Variants in C1orf122 observed in about 807,000 individuals in gnomAD.
C1orf122 encodes the protein uncharacterized protein C1orf122.
C1orf122 carries 12 observed loss-of-function variants against 12.9 expected under a neutral mutation model. The observed-to-expected ratio is 0.93, with a 90% CI of 0.60 to 1.51. C1orf122 has a LOEUF of 1.51. C1orf122 is among the 40% of genes most tolerant of loss of function. The probability of loss-of-function intolerance (pLI) is 0.00; values close to 1 mark genes in which losing one functional copy is unlikely to be tolerated. For missense variants in C1orf122, 144 were observed against 162.1 expected (o/e 0.89, Z 0.61); for synonymous variants, 57 against 73.4 (o/e 0.78, Z 1.14).
In C1orf122 at chr1:37,807,948, C is replaced by CGCAGCTCGGCCACG; in HGVS notation, c.-454_-441dup. 8.1e-7 allele frequency: 1 copy of CGCAGCTCGGCCACG among 1,230,990 alleles called. No homozygotes were observed. The highest frequency in any genetic ancestry group is 1.0e-6 in the Non-Finnish European group (1 of 986,874). 76.3% of individuals were successfully genotyped at this position (1,230,990 alleles called of 1,614,324 possible). ...GGGGACGGCCACCACGGCGCCGGCG[C>CGCAGCTCGGCCACG]GCAGCTCGGCCACGGCGGCCCGCAG... On this transcript the variant is annotated 5_prime_UTR_variant, in exon 1 of 3. Coordinates refer to ENST00000373042, the MANE Select transcript of C1orf122 (RefSeq NM_198446.3).
rs2148392715 is a variant in C1orf122 at position 37,808,249 on chromosome 1, G to A, written c.-156G>A. ...CTTCCGGTCCAGGAGACTCGGCCCC[G>A]CCTCTGCGCCGGGCAGCTTAAAGGG... On this transcript the variant is annotated 5_prime_UTR_variant, in exon 1 of 3. Transcript: ENST00000373042. 7.4e-7 allele frequency: 1 copy of A among 1,347,194 alleles called. No individual in the cohort carries two copies. Among genetic ancestry groups the A allele is most frequent in the East Asian group, 3.1e-5 (1 of 32,264 alleles). 83.5% of individuals were successfully genotyped at this position (1,347,194 alleles called of 1,614,324 possible). A position where few individuals can be genotyped will look rare whatever the true frequency, so the allele number is the denominator to read the frequency against.
At position 37,808,172 on chromosome 1, in the gene C1orf122, C is replaced by T. The variant is rs370868306; in HGVS notation, c.-233C>T. 1.4e-6 allele frequency: 2 copies of T among 1,454,568 alleles called. No individual in the cohort carries two copies. Among genetic ancestry groups the T allele is most frequent in the Non-Finnish European group, 1.8e-6 (2 of 1,107,556 alleles). The allele number at this position is 1,454,568 out of a possible 1,614,324, so 90.1% of individuals were successfully genotyped here. ...CCCTCATCCCCCTGCACCGACGCGCCGGAGACATCCGCCCAGGCCCGCTTC... is the reference window on the plus strand; with the variant it reads ...CCCTCATCCCCCTGCACCGACGCGCTGGAGACATCCGCCCAGGCCCGCTTC... On this transcript the variant is annotated 5_prime_UTR_variant, in exon 1 of 3. Transcript: ENST00000373042.
chr1:37,809,048 C>T lies in C1orf122; in HGVS notation c.308C>T (p.Ala103Val). 6.2e-7 allele frequency: 1 copy of T among 1,613,984 alleles called. No homozygotes were observed. Among genetic ancestry groups the T allele is most frequent in the African/African-American group, 1.3e-5 (1 of 75,076 alleles). Residue 103 changes from alanine (A) to valine (V), a missense_variant, in exon 3 of 3, where the codon GCT becomes GTT. Transcript: ENST00000373042. Reference protein sequence around the residue: ...VSARGGFPKDAGDGAAEP With the variant: ...VSARGGFPKDVGDGAAEP ...GCCAGAGGCGGCTTTCCAAAGGATGCTGGCGATGGAGCTGCGGAGCCCTGA... is the reference window on the plus strand; with the variant it reads ...GCCAGAGGCGGCTTTCCAAAGGATGTTGGCGATGGAGCTGCGGAGCCCTGA...
At position 37,808,240 on chromosome 1, in the gene C1orf122, C is replaced by T. The variant is rs1017011904; in HGVS notation, c.-165C>T. The T allele has an allele frequency of 7.3e-6, 10 of 1,365,878 alleles. No individual in the cohort carries two copies. Among genetic ancestry groups the T allele is most frequent in the African/African-American group, 1.5e-5 (1 of 65,864 alleles). 84.6% of individuals were successfully genotyped at this position (1,365,878 alleles called of 1,614,324 possible). A position where few individuals can be genotyped will look rare whatever the true frequency, so the allele number is the denominator to read the frequency against. On this transcript the variant is annotated 5_prime_UTR_variant, in exon 1 of 3. Transcript: ENST00000373042. ...CCCAGCCAGCTTCCGGTCCAGGAGA[C>T]TCGGCCCCGCCTCTGCGCCGGGCAG...
chr1:37,807,848 AC>A lies in C1orf122; in HGVS notation c.-554del. On this transcript the variant is annotated 5_prime_UTR_variant, in exon 1 of 3. Coordinates refer to ENST00000373042, the MANE Select transcript of C1orf122 (RefSeq NM_198446.3). ...CGGCCAGAGGCTTGGCCTCGCTGCG[AC>A]CCTTGAGGCGGTACACAGCGCGCAG... 2 of 1,504,474 alleles carry A rather than the reference AC, an allele frequency of 1.3e-6. No homozygotes were observed. Among genetic ancestry groups the A allele is most frequent in the Non-Finnish European group, 8.8e-7 (1 of 1,130,906 alleles). The allele number at this position is 1,504,474 out of a possible 1,614,324, so 93.2% of individuals were successfully genotyped here.
chr1:37,807,969 C>T lies in C1orf122; in HGVS notation c.-436C>T, dbSNP rs1230829614. 8.2e-7 allele frequency: 1 copy of T among 1,214,042 alleles called. No homozygotes were observed. The highest frequency in any genetic ancestry group is 1.0e-6 in the Non-Finnish European group (1 of 976,864). The allele number at this position is 1,214,042 out of a possible 1,614,324, so 75.2% of individuals were successfully genotyped here. On this transcript the variant is annotated 5_prime_UTR_variant, in exon 1 of 3. Transcript: ENST00000373042. Reference sequence around the variant, plus strand: ...GGCGCGCAGCTCGGCCACGGCGGCCCGCAGCGCCTCGGTCCAGCCGGCGCG... The same window carrying T: ...GGCGCGCAGCTCGGCCACGGCGGCCTGCAGCGCCTCGGTCCAGCCGGCGCG...
chr1:37,808,855 T>C, intron 2 of C1orf122, 123 bp downstream of exon 2: 1 of 1,436,828 alleles, frequency 7.0e-7, no homozygotes. Flanking sequence ...CTAACCTCCT[T>C]TGATCTGGTG....
Position 37,808,585 on chromosome 1 carries a change from A to G in C1orf122, c.90A>G (p.Pro30=). 7.8e-7 allele frequency: 1 copy of G among 1,289,884 alleles called. No individual in the cohort carries two copies. The highest frequency in any genetic ancestry group is 9.8e-7 in the Non-Finnish European group (1 of 1,020,150). 79.9% of individuals were successfully genotyped at this position (1,289,884 alleles called of 1,614,324 possible). ...GKAGLGLGGR[P]PPQPPREERA... Reference sequence around the variant, plus strand: ...CGGGGCTGGGGCTCGGCGGGAGGCCACCCCCACAGCCGCCCCGGGAGGAGC... The same window carrying G: ...CGGGGCTGGGGCTCGGCGGGAGGCCGCCCCCACAGCCGCCCCGGGAGGAGC... Residue 30 remains proline, a synonymous_variant, in exon 2 of 3, where the codon CCA becomes CCG. Transcript: ENST00000373042.
At position 37,808,724 on chromosome 1, in the gene C1orf122, G is replaced by T; in HGVS notation, c.229G>T (p.Gly77Cys). Residue 77 changes from glycine to cysteine, a missense_variant, in exon 2 of 3, where the codon GGT becomes TGT. By Grantham distance (159) the Gly-to-Cys change is radical (BLOSUM62 -3). Coordinates refer to ENST00000373042, the MANE Select transcript of C1orf122 (RefSeq NM_198446.3). ...QLGRRRPEPA[G>C]GGNVSAKPGA... is the part of the protein sequence containing the mutation. Reference sequence around the variant, plus strand: ...GGGCCGCCGGCGCCCGGAGCCGGCTGGTGGCGGGGTTAGTGCCCACCCTGG... The same window carrying T: ...GGGCCGCCGGCGCCCGGAGCCGGCTTGTGGCGGGGTTAGTGCCCACCCTGG... 7.0e-7 allele frequency: 1 copy of T among 1,428,038 alleles called. No individual in the cohort carries two copies. Among genetic ancestry groups the T allele is most frequent in the Non-Finnish European group, 9.1e-7 (1 of 1,103,744 alleles). 88.5% of individuals were successfully genotyped at this position (1,428,038 alleles called of 1,614,324 possible).
In C1orf122 at chr1:37,808,368, C is replaced by A. The variant is rs1168585136; in HGVS notation, c.-37C>A. ...AACGCAGCGCTGGGGAGGGGGGCGG[C>A]CGAAAGGGGGGCGGTGGTCGGGCCG... On this transcript the variant is annotated 5_prime_UTR_variant, in exon 1 of 3. Transcript: ENST00000373042. The A allele has an allele frequency of 7.8e-7, 1 of 1,282,402 alleles. No homozygotes were observed. The highest frequency in any genetic ancestry group is 9.8e-7 in the Non-Finnish European group (1 of 1,016,246). 79.4% of individuals were successfully genotyped at this position (1,282,402 alleles called of 1,614,324 possible).
Position 37,809,193 on chromosome 1 carries a change from A to C in C1orf122, c.*120A>C, listed in dbSNP as rs1488559487. On this transcript the variant is annotated 3_prime_UTR_variant, in exon 3 of 3. Coordinates refer to ENST00000373042, the MANE Select transcript of C1orf122 (RefSeq NM_198446.3). ...TGGCAGTGGCTGGTACTTGGCTCTC[A>C]GCCTGGAGTGGCAGCTCTGCTAGCA... 12 of 1,195,372 alleles carry C rather than the reference A, an allele frequency of 1.0e-5. No homozygotes were observed. The highest frequency in any genetic ancestry group is 1.5e-5 in the Non-Finnish European group (12 of 798,096). The allele number at this position is 1,195,372 out of a possible 1,614,324, so 74.0% of individuals were successfully genotyped here. A position where few individuals can be genotyped will look rare whatever the true frequency, so the allele number is the denominator to read the frequency against.
rs1354092410 is a variant in C1orf122, at chr1:37,809,255, G to C, written c.*182G>C. 3 of 814,468 alleles carry C rather than the reference G, an allele frequency of 3.7e-6. No homozygotes were observed. Among genetic ancestry groups the C allele is most frequent in the Non-Finnish European group, 4.4e-6 (2 of 456,876 alleles). 50.5% of individuals were successfully genotyped at this position (814,468 alleles called of 1,614,324 possible). On this transcript the variant is annotated 3_prime_UTR_variant, in exon 3 of 3. Transcript: ENST00000373042. ...TCCCACTTCATCCTGGCTGAAAGCAGTGCTGTGCTTTGAAATGCAGCCAAT... is the reference window on the plus strand; with the variant it reads ...TCCCACTTCATCCTGGCTGAAAGCACTGCTGTGCTTTGAAATGCAGCCAAT...
rs74441145 is a variant in C1orf122, at chr1:37,807,817, G to A, written c.-588G>A. ...CTGTAGACGTCGGCCACGCGGCCGAGGCATACGGCCAGAGGCTTGGCCTCG... is the reference window on the plus strand; with the variant it reads ...CTGTAGACGTCGGCCACGCGGCCGAAGCATACGGCCAGAGGCTTGGCCTCG... On this transcript the variant is annotated 5_prime_UTR_variant, in exon 1 of 3. Transcript: ENST00000373042. 114 of 1,512,028 alleles carry A rather than the reference G, an allele frequency of 7.5e-5. 1 individual carries two copies. The South Asian group carries it at 1.2e-3, about 16-fold the overall frequency. 93.7% of individuals were successfully genotyped at this position (1,512,028 alleles called of 1,614,324 possible).
At position 37,809,092 on chromosome 1, in the gene C1orf122, C is replaced by A. The variant is rs1466146429; in HGVS notation, c.*19C>A. 4 of 1,613,014 alleles carry A rather than the reference C, an allele frequency of 2.5e-6. No individual in the cohort carries two copies. Among genetic ancestry groups the A allele is most frequent in the African/African-American group, 2.7e-5 (2 of 74,904 alleles). On this transcript the variant is annotated 3_prime_UTR_variant, in exon 3 of 3. Coordinates refer to ENST00000373042, the MANE Select transcript of C1orf122 (RefSeq NM_198446.3). ...GCCCTGACCATCCCCGAGCAGAATA[C>A]CCTGACTTCTCTCCCTCCCCAGGGC...
rs982111511 is a variant in C1orf122 at position 37,808,299 on chromosome 1, G to A, written c.-106G>A. 136 of 1,284,518 alleles carry A rather than the reference G, an allele frequency of 1.1e-4. No individual in the cohort carries two copies. Among genetic ancestry groups the A allele is most frequent in the Non-Finnish European group, 1.3e-4 (131 of 1,016,196 alleles). 79.6% of individuals were successfully genotyped at this position (1,284,518 alleles called of 1,614,324 possible). A position where few individuals can be genotyped will look rare whatever the true frequency, so the allele number is the denominator to read the frequency against. Reference sequence around the variant, plus strand: ...GACCACGACCCCCAGGAGGATTGAAGGAGACCGGTGGGGACGGGGCGGGGC... The same window carrying A: ...GACCACGACCCCCAGGAGGATTGAAAGAGACCGGTGGGGACGGGGCGGGGC... On this transcript the variant is annotated 5_prime_UTR_variant, in exon 1 of 3. Coordinates refer to ENST00000373042, the MANE Select transcript of C1orf122 (RefSeq NM_198446.3).
At position 37,809,046 on chromosome 1, in the gene C1orf122, T is replaced by A. The variant is rs1646766731; in HGVS notation, c.306T>A (p.Asp102Glu). 6.2e-7 allele frequency: 1 copy of A among 1,613,792 alleles called. No homozygotes were observed. Among genetic ancestry groups the A allele is most frequent in the African/African-American group, 1.3e-5 (1 of 74,932 alleles). The change falls in exon 3 of 3, where the codon GAT becomes GAA. Residue 102 changes from aspartate to glutamate, a missense_variant. Physicochemically the swap from Asp to Glu is conservative, Grantham distance 45. Coordinates refer to ENST00000373042, the MANE Select transcript of C1orf122 (RefSeq NM_198446.3). The stretch of plus-strand genomic sequence containing the variant: ...CCGCCAGAGGCGGCTTTCCAAAGGA[T>A]GCTGGCGATGGAGCTGCGGAGCCCT... ...AVSARGGFPK[D>E]AGDGAAEP
rs1640659984 is a variant in C1orf122, at chr1:37,809,438, G to A, written c.*365G>A. 3.3e-6 allele frequency: 1 copy of A among 303,044 alleles called. No homozygotes were observed. The highest frequency in any genetic ancestry group is 6.4e-6 in the Non-Finnish European group (1 of 155,352). The allele number at this position is 303,044 out of a possible 1,614,324, so 18.8% of individuals were successfully genotyped here. A position where few individuals can be genotyped will look rare whatever the true frequency, so the allele number is the denominator to read the frequency against. On this transcript the variant is annotated 3_prime_UTR_variant, in exon 3 of 3. Transcript: ENST00000373042. Reference sequence around the variant, plus strand: ...CCTTCAGTAGAGCCTTGATTAAAAGGAAACCTGCAGACTCTCCTGGTGACC... The same window carrying A: ...CCTTCAGTAGAGCCTTGATTAAAAGAAAACCTGCAGACTCTCCTGGTGACC...
rs1271911691 is a variant in C1orf122, at chr1:37,808,075, G to A, written c.-330G>A. ...CCGGGGGCCGCCGGAGCGGGACTCG[G>A]CGGGCGGAAGAGGCGACCGCTCCGG... On this transcript the variant is annotated 5_prime_UTR_variant, in exon 1 of 3. Transcript: ENST00000373042. 1.5e-6 allele frequency: 2 copies of A among 1,360,748 alleles called. No individual in the cohort carries two copies. The highest frequency in any genetic ancestry group is 1.5e-5 in the African/African-American group (1 of 65,620). The allele number at this position is 1,360,748 out of a possible 1,614,324, so 84.3% of individuals were successfully genotyped here. A position where few individuals can be genotyped will look rare whatever the true frequency, so the allele number is the denominator to read the frequency against.
In C1orf122 at chr1:37,808,245, C is replaced by T; in HGVS notation, c.-160C>T. ...CCAGCTTCCGGTCCAGGAGACTCGGCCCCGCCTCTGCGCCGGGCAGCTTAA... is the reference window on the plus strand; with the variant it reads ...CCAGCTTCCGGTCCAGGAGACTCGGTCCCGCCTCTGCGCCGGGCAGCTTAA... On this transcript the variant is annotated 5_prime_UTR_variant, in exon 1 of 3. Transcript: ENST00000373042. 2.2e-6 allele frequency: 3 copies of T among 1,358,610 alleles called. No homozygotes were observed. Among genetic ancestry groups the T allele is most frequent in the Non-Finnish European group, 2.8e-6 (3 of 1,058,156 alleles). 84.2% of individuals were successfully genotyped at this position (1,358,610 alleles called of 1,614,324 possible).
Sources: gnomAD v4.1 joint callset for allele counts on GRCh38, gnomAD v4.1.1 for gene constraint, MANE v1.5 for transcripts, NCBI Gene and HGNC (gene_info 2026-07-23, HGNC 2026-07-21) for gene names.